SYNE1: variants seen among roughly 807,000 people sequenced by gnomAD.
The protein encoded by SYNE1 is spectrin repeat containing nuclear envelope protein 1, also known as nesprin-1.
A neutral mutation model predicts 1,111.0 loss-of-function variants in SYNE1; 616 were observed. The ratio of observed to expected loss-of-function variants is 0.55; its 90% CI spans 0.52 to 0.59. SYNE1 has a LOEUF of 0.59. Among genes scored for constraint, SYNE1 ranks in the 20% least tolerant of loss-of-function variants. The pLI is 0.00. For synonymous variants in SYNE1, 3,855 were observed against 3,825.8 expected (o/e 1.01, Z -0.28); for missense variants, 10,006 against 10,417.0 (o/e 0.96, Z 1.72).
intron 87 of SYNE1, among the ~76,000 whole-genome samples, chr6:152,314,776 C>A (rs2095657703): frequency 6.6e-6 from 1 of 151,688 alleles, no homozygotes; most frequent in Non-Finnish European, 1.5e-5. Flanking sequence ...CATGGCGAAA[C>A]CCCATCTCTA....
At chr6:152,549,417 G>A (rs1038012514) in intron 3 of SYNE1, among the ~76,000 whole-genome samples, 5 of 152,172 alleles carry the variant, frequency 3.3e-5, no homozygotes, top group African/African-American at 1.2e-4. Context: ...CACAGCAAAG[G>A]CTAACTGAAA....
At chr6:152,512,507 A>G (rs1302647972) in intron 6 of SYNE1, among the ~76,000 whole-genome samples, 1 of 152,192 alleles carries the variant, frequency 6.6e-6, no homozygotes, top group Non-Finnish European at 1.5e-5. Context: ...CAAAAAATTT[A>G]TAATATATGC....
chr6:152,353,441 A>G lies in SYNE1; in HGVS notation c.11083-8T>C, dbSNP rs752554466. On this transcript the variant is annotated splice_polypyrimidine_tract_variant and splice_region_variant and intron_variant, in intron 68 of 145. Coordinates refer to ENST00000367255, the MANE Select transcript of SYNE1 (RefSeq NM_182961.4). ...CAGGAATTTTATTTGTTCCTATGAA[A>G]GAAAAGAGAAAATTGAATGGTGAAG... 8 of 1,614,082 alleles carry G rather than the reference A, an allele frequency of 5.0e-6. No individual in the cohort carries two copies. Among genetic ancestry groups the G allele is most frequent in the Non-Finnish European group, 5.9e-6 (7 of 1,180,046 alleles).
rs141940036 is a variant in SYNE1, at chr6:152,186,878, G to T, written c.23301+2374C>A. 5.1e-3 allele frequency among the ~76,000 whole-genome samples: 780 copies of T among 152,204 alleles called. 7 individuals are homozygous for T. Among genetic ancestry groups the T allele is most frequent in the African/African-American group, 0.015 (634 of 41,544 alleles). ...AATGGGCTCACAAACGTAACTGAAGGTTGCTGTGATAATTTCCCACAATTT... is the reference window on the plus strand; with the variant it reads ...AATGGGCTCACAAACGTAACTGAAGTTTGCTGTGATAATTTCCCACAATTT... On this transcript the variant is annotated intron_variant, in intron 128 of 145. Coordinates refer to ENST00000367255, the MANE Select transcript of SYNE1 (RefSeq NM_182961.4).
intron 3 of SYNE1, among the ~76,000 whole-genome samples, chr6:152,571,277 C>T (rs2099455019): frequency 6.6e-6 from 1 of 152,144 alleles, no homozygotes; most frequent in African/African-American, 2.4e-5. Context: ...ACTAGGCTTG[C>T]TTTTAAAATA....
chr6:152,283,932 A>C, intron 96 of SYNE1, 46 bp downstream of exon 96: 1 of 1,476,036 alleles, frequency 6.8e-7, no homozygotes, highest in African/African-American at 1.4e-5. Context: ...CACAACGTTA[A>C]AAGTTAACTC....
intron 105 of SYNE1, among the ~76,000 whole-genome samples, chr6:152,248,147 G>A (rs1354267276): frequency 5.3e-5 from 8 of 152,108 alleles, no homozygotes; most frequent in Non-Finnish European, 8.8e-5. Context: ...CCCTGGTGCT[G>A]TCATGTAAAC....
intron 85 of SYNE1, chr6:152,318,489 T>C (rs1467921394): frequency 4.9e-6 from 3 of 615,334 alleles, no homozygotes; most frequent in Admixed American, 5.8e-5. Flanking sequence ...AGGCTAACAT[T>C]TTCCTTCTGC....
intron 36 of SYNE1, among the ~76,000 whole-genome samples, chr6:152,428,688 C>T (rs1043583312): frequency 2.0e-5 from 3 of 152,016 alleles, no homozygotes; most frequent in African/African-American, 7.2e-5. Context: ...GGTCCCAATT[C>T]CACTGATTTT....
rs776321295 is a variant in SYNE1 at position 152,462,916 on chromosome 6, A to T, written c.2098-26T>A. 4 of 1,613,584 alleles carry T rather than the reference A, an allele frequency of 2.5e-6. No individual in the cohort carries two copies. In the South Asian group the frequency reaches 4.4e-5, roughly 18 times the overall value. On this transcript the variant is annotated intron_variant, in intron 19 of 145. Coordinates refer to ENST00000367255, the MANE Select transcript of SYNE1 (RefSeq NM_182961.4). Reference sequence around the variant, plus strand: ...CTGTTAAGGAAAGGGAGGAGGGAACATCGTGAAAGCCATTTAGCTGCGACC... The same window carrying T: ...CTGTTAAGGAAAGGGAGGAGGGAACTTCGTGAAAGCCATTTAGCTGCGACC...
At position 152,437,494 on chromosome 6, in the gene SYNE1, AC is replaced by A. The variant is rs1209295878; in HGVS notation, c.4150-1394del. Among the ~76,000 whole-genome samples, 3 of 152,184 alleles carry A rather than the reference AC, an allele frequency of 2.0e-5. No individual in the cohort carries two copies. In the East Asian group the frequency reaches 5.8e-4, roughly 29 times the overall value. ...ATTGTTTTTTATGTCTCTCATACAA[AC>A]TTGAGGACAAAATGATTTATTAAGC... On this transcript the variant is annotated intron_variant, in intron 32 of 145. Transcript: ENST00000367255.
Position 152,390,306 on chromosome 6 carries a change from G to C in SYNE1, c.8151C>G (p.Ile2717Met), listed in dbSNP as rs2097588882. 6.8e-6 allele frequency: 11 copies of C among 1,613,956 alleles called. No individual in the cohort carries two copies. Among genetic ancestry groups the C allele is most frequent in the African/African-American group, 1.3e-5 (1 of 74,914 alleles). The stretch of plus-strand genomic sequence containing the variant: ...TTTGAGCGTGGACGGAGGAGCTCAT[G>C]ATGTCAGCCCACACTTCTTTAAGGG... ...LETLKEVWADIMSSSVHAQST... is the reference protein window; with the variant it reads ...LETLKEVWADMMSSSVHAQST... Residue 2717 changes from isoleucine (I) to methionine (M), a missense_variant, in exon 53 of 146, where the codon ATC (isoleucine) becomes ATG (methionine). Physicochemically the swap from Ile to Met is conservative, Grantham distance 10. Around this residue, in one of 7 missense-constraint regions of SYNE1, gnomAD observed 4,955 missense variants for 5,017.2 expected, o/e 0.99. Transcript: ENST00000367255.
Position 152,182,839 on chromosome 6 carries a change from C to A in SYNE1, c.23302-2545G>T, listed in dbSNP as rs933649397. On this transcript the variant is annotated intron_variant, in intron 128 of 145. Transcript: ENST00000367255. ...GAAAGGCCACCATGAGAAATTTATT[C>A]TTTTGATTCAATTATGATCTTTTAA... Among the ~76,000 whole-genome samples the A allele has an allele frequency of 2.6e-5, 4 of 152,256 alleles. No homozygotes were observed. In the East Asian group the frequency reaches 5.8e-4, roughly 22 times the overall value.
Position 152,208,004 on chromosome 6 carries a change from G to C in SYNE1, c.22792C>G (p.Gln7598Glu), listed in dbSNP as rs761862583. 2 of 1,614,142 alleles carry C rather than the reference G, an allele frequency of 1.2e-6. No homozygotes were observed. The highest frequency in any genetic ancestry group is 1.3e-5 in the African/African-American group (1 of 75,042). The change falls in exon 125 of 146, where the codon CAA becomes GAA. Residue 7598 changes from glutamine to glutamate, a missense_variant. Gln to Glu is a conservative substitution (Grantham distance 29). Around this residue, in one of 7 missense-constraint regions of SYNE1, gnomAD observed 2,182 missense variants for 2,287.8 expected, o/e 0.95. Coordinates refer to ENST00000367255, the MANE Select transcript of SYNE1 (RefSeq NM_182961.4). ...TCATCAAAGAGGGTCCTTGCTTGTT[G>C]CAGTGGTATAGGAACACTTCCGAGA... Reference protein sequence around the residue: ...SGLGSVPIPLQQARTLFDEVQ... With the variant: ...SGLGSVPIPLEQARTLFDEVQ...
At chr6:152,628,151 T>A in intron 3 of SYNE1, 114 bp downstream of exon 3, 1 of 1,066,208 alleles carries the variant, frequency 9.4e-7, no homozygotes, top group Non-Finnish European at 1.4e-6. Context: ...AAGACATCCA[T>A]CCCATTCTGG....
At chr6:152,182,288 C>T (rs1021690144) in intron 128 of SYNE1, among the ~76,000 whole-genome samples, 4 of 152,174 alleles carry the variant, frequency 2.6e-5, no homozygotes, top group African/African-American at 7.2e-5. Context: ...TTAAACTACA[C>T]GTTGGCAAAA....
Position 152,502,045 on chromosome 6 carries a change from T to C in SYNE1, c.888+588A>G, listed in dbSNP as rs140572830. Among the ~76,000 whole-genome samples, 21 of 152,256 alleles carry C rather than the reference T, an allele frequency of 1.4e-4. No individual in the cohort carries two copies. In the East Asian group the frequency reaches 3.9e-3, roughly 28 times the overall value. On this transcript the variant is annotated intron_variant, in intron 10 of 145. Transcript: ENST00000367255. ...TATAGGTTCTCTCTAGAAGGTCAAATACAGAAAATTTTTTCCTTTTCCTTT... is the reference window on the plus strand; with the variant it reads ...TATAGGTTCTCTCTAGAAGGTCAAACACAGAAAATTTTTTCCTTTTCCTTT...
chr6:152,517,108 A>C (rs775411519), intron 6 of SYNE1, among the ~76,000 whole-genome samples: 1 of 152,248 alleles, frequency 6.6e-6, no homozygotes, highest in Non-Finnish European at 1.5e-5. Flanking sequence ...ACTGAAATGT[A>C]TACTGATTCA....
intron 144 of SYNE1, 81 bp from the exon 145 acceptor site, chr6:152,130,859 C>G (rs2055396422): frequency 1.4e-6 from 2 of 1,422,504 alleles, no homozygotes; most frequent in Middle Eastern, 1.8e-4. Context: ...GAAAATTAAA[C>G]TAAAAGTGCA....
Sources: gnomAD v4.1 joint callset for allele counts (sites outside exome capture counted in the v4.1 genomes callset) on GRCh38, gnomAD v4.1.1 for gene constraint, gnomAD v4.1.1 regional missense constraint, MANE v1.5 for transcripts, NCBI Gene and HGNC (gene_info 2026-07-23, HGNC 2026-07-21) for gene names.